The following PCYT1A variants were observed in gnomAD, a reference collection of about 807,000 sequenced individuals.
PCYT1A encodes phosphate cytidylyltransferase 1A, choline, also known as choline-phosphate cytidylyltransferase A.
Under a neutral mutation model 43.7 loss-of-function variants are expected in PCYT1A, and 25 were observed. The ratio of observed to expected loss-of-function variants is 0.57; its 90% CI spans 0.42 to 0.80. The LOEUF (loss-of-function observed/expected upper bound fraction) is 0.80. Among genes scored for constraint, PCYT1A ranks in the 30% least tolerant of loss-of-function variants. The pLI is 0.00. For synonymous variants in PCYT1A, 172 were observed against 170.7 expected (o/e 1.01, Z -0.06); for missense variants, 421 against 474.2 (o/e 0.89, Z 1.04).
In PCYT1A at chr3:196,243,793, C is replaced by A. The variant is rs574240517; in HGVS notation, c.487-1153G>T. Among the ~76,000 whole-genome samples, 27 of 152,392 alleles carry A rather than the reference C, an allele frequency of 1.8e-4. No individual in the cohort carries two copies. The East Asian group carries it at 4.6e-3, about 26-fold the overall frequency. On this transcript the variant is annotated intron_variant, in intron 5 of 8. Coordinates refer to ENST00000431016, the MANE Select transcript of PCYT1A (RefSeq NM_001312673.2). Reference sequence around the variant, plus strand: ...GCGAGTGATCCGCCAGCCTCGGCCTCCCGAGGTGCCGGGATTGCAGACGGA... The same window carrying A: ...GCGAGTGATCCGCCAGCCTCGGCCTACCGAGGTGCCGGGATTGCAGACGGA...
intron 2 of PCYT1A, among the ~76,000 whole-genome samples, chr3:196,262,038 A>G (rs1725126886): frequency 1.3e-5 from 2 of 152,110 alleles, no homozygotes; most frequent in South Asian, 4.1e-4. Flanking sequence ...TTTTTAAAAC[A>G]CTGTGTTATT....
chr3:196,245,844 G>C (rs113920467), intron 5 of PCYT1A, among the ~76,000 whole-genome samples: 54,819 of 151,648 alleles, frequency 0.36, 10,517 homozygotes, highest in East Asian at 0.76. Context: ...CCAGCTACTC[G>C]GGAGGCTGAG....
At position 196,247,969 on chromosome 3, in the gene PCYT1A, A is replaced by T; in HGVS notation, c.334+238T>A. 1 of 547,410 alleles carries T rather than the reference A, an allele frequency of 1.8e-6. No homozygotes were observed. The highest frequency in any genetic ancestry group is 3.3e-6 in the Non-Finnish European group (1 of 304,360). 33.9% of individuals were successfully genotyped at this position (547,410 alleles called of 1,614,324 possible). On this transcript the variant is annotated intron_variant, in intron 4 of 8. Transcript: ENST00000431016. This position sits in a 1 kb window ranked among gnomAD's most constrained non-coding sequence, Gnocchi z 4.8. ...AACGGAAGTCACGGCTGCTCCTGTG[A>T]CCACAGAAACTCAGCTACAAGCAGT...
chr3:196,268,158 C>A lies in PCYT1A; in HGVS notation c.117+2257G>T, dbSNP rs748008603. Among the ~76,000 whole-genome samples, 8 of 151,938 alleles carry A rather than the reference C, an allele frequency of 5.3e-5. No individual in the cohort carries two copies. Among genetic ancestry groups the A allele is most frequent in the Admixed American group, 2.6e-4 (4 of 15,238 alleles). On this transcript the variant is annotated intron_variant, in intron 2 of 8. Coordinates refer to ENST00000431016, the MANE Select transcript of PCYT1A (RefSeq NM_001312673.2). This position sits in a 1 kb window ranked among gnomAD's most constrained non-coding sequence, Gnocchi z 4.4. Reference sequence around the variant, plus strand: ...AAAAAGATTCCCAGAGTCTAAAGACCAAGAAATTTAAGTTTTCTCAGAGCT... The same window carrying A: ...AAAAAGATTCCCAGAGTCTAAAGACAAAGAAATTTAAGTTTTCTCAGAGCT...
At chr3:196,272,820 G>GT (rs1384310738) in intron 1 of PCYT1A, among the ~76,000 whole-genome samples, 1 of 152,226 alleles carries the variant, frequency 6.6e-6, no homozygotes, top group African/African-American at 2.4e-5. Flanking sequence ...TGTATTTCAT[G>GT]TTTAAGTCAC....
intron 1 of PCYT1A, among the ~76,000 whole-genome samples, chr3:196,275,892 T>C (rs1167545062): frequency 6.6e-6 from 1 of 151,398 alleles, no homozygotes; most frequent in African/African-American, 2.4e-5. Flanking sequence ...GGTCAGGAGA[T>C]TGAGAACATC....
At position 196,277,854 on chromosome 3, in the gene PCYT1A, C is replaced by A. The variant is rs1467298226; in HGVS notation, c.-10-7313G>T. ...CGCCACTGCGCTCCAGCCTGGGCGACAGAGCGAGACTTTGTCTCAAAATAA... is the reference window on the plus strand; with the variant it reads ...CGCCACTGCGCTCCAGCCTGGGCGAAAGAGCGAGACTTTGTCTCAAAATAA... On this transcript the variant is annotated intron_variant, in intron 1 of 8. Coordinates refer to ENST00000431016, the MANE Select transcript of PCYT1A (RefSeq NM_001312673.2). This position sits in a 1 kb window ranked among gnomAD's most constrained non-coding sequence, Gnocchi z 4.1. Among the ~76,000 whole-genome samples, 1 of 152,228 alleles carries A rather than the reference C, an allele frequency of 6.6e-6. No individual in the cohort carries two copies. Among genetic ancestry groups the A allele is most frequent in the African/African-American group, 2.4e-5 (1 of 41,444 alleles).
At chr3:196,275,432 T>C (rs151199888) in intron 1 of PCYT1A, among the ~76,000 whole-genome samples, 22 of 152,222 alleles carry the variant, frequency 1.4e-4, no homozygotes, top group African/African-American at 5.3e-4. Flanking sequence ...AGTACAAAAA[T>C]TCAGTTTTGA....
intron 7 of PCYT1A, among the ~76,000 whole-genome samples, chr3:196,240,426 T>C (rs1724313541): frequency 6.6e-6 from 1 of 152,192 alleles, no homozygotes; most frequent in African/African-American, 2.4e-5. Flanking sequence ...GGCTCATGCC[T>C]GTAATACCAG....
intron 1 of PCYT1A, among the ~76,000 whole-genome samples, chr3:196,272,858 C>T (rs1236669736): frequency 2.0e-5 from 3 of 152,222 alleles, no homozygotes; most frequent in Non-Finnish European, 4.4e-5. Flanking sequence ...ACTTCGCTAG[C>T]CAGAAACCTC....
intron 1 of PCYT1A, among the ~76,000 whole-genome samples, chr3:196,286,264 A>G (rs1013927747): frequency 1.3e-5 from 2 of 151,990 alleles, no homozygotes; most frequent in Non-Finnish European, 2.9e-5. Context: ...GGTTCTCCCA[A>G]CTGAGATGCC....
At chr3:196,259,526 GT>G (rs933159417) in intron 2 of PCYT1A, among the ~76,000 whole-genome samples, 14 of 151,932 alleles carry the variant, frequency 9.2e-5, no homozygotes, top group East Asian at 5.8e-4. Flanking sequence ...ATTAAAACAC[GT>G]TTTTTTTGTT....
intron 2 of PCYT1A, among the ~76,000 whole-genome samples, chr3:196,262,012 T>C (rs1323994264): frequency 6.6e-6 from 1 of 152,166 alleles, no homozygotes; most frequent in African/African-American, 2.4e-5. Flanking sequence ...TGTTTCCAGC[T>C]AGAAAAGGTA....
rs115257470 is a variant in PCYT1A at position 196,278,444 on chromosome 3, T to C, written c.-10-7903A>G. Among the ~76,000 whole-genome samples the C allele has an allele frequency of 7.9e-3, 1,205 of 152,130 alleles. 15 individuals are homozygous for C. Among genetic ancestry groups the C allele is most frequent in the African/African-American group, 0.028 (1,154 of 41,482 alleles). ...CGCACACACACAGGCTGCCTTAATA[T>C]CCCTGTTTGTCCAGCGGGCAATGGG... On this transcript the variant is annotated intron_variant, in intron 1 of 8. Coordinates refer to ENST00000431016, the MANE Select transcript of PCYT1A (RefSeq NM_001312673.2).
rs1460974567 is a variant in PCYT1A, at chr3:196,268,772, G to A, written c.117+1643C>T. ...ACCGCACCACTGCACTCCAGCCTGG[G>A]TGACAAAGCGAGACTCTGTCTCAAA... On this transcript the variant is annotated intron_variant, in intron 2 of 8. Coordinates refer to ENST00000431016, the MANE Select transcript of PCYT1A (RefSeq NM_001312673.2). This position sits in a 1 kb window ranked among gnomAD's most constrained non-coding sequence, Gnocchi z 4.4. 1.3e-5 allele frequency among the ~76,000 whole-genome samples: 2 copies of A among 152,146 alleles called. No individual in the cohort carries two copies. The highest frequency in any genetic ancestry group is 2.9e-5 in the Non-Finnish European group (2 of 68,036).
rs561949003 is a variant in PCYT1A, at chr3:196,257,829, T to A, written c.176A>T (p.Tyr59Phe). Residue 59 changes from tyrosine (Y) to phenylalanine (F), a missense_variant, in exon 3 of 9, where the codon TAT becomes TTT. Tyr to Phe is a conservative substitution (Grantham distance 22). Coordinates refer to ENST00000431016, the MANE Select transcript of PCYT1A (RefSeq NM_001312673.2). The part of the protein sequence containing the change: ...DEIEVDFSKP[Y>F]VRVTMEEASR... ...GGCTTCTTCCATAGTTACCCTGACA[T>A]AGGGCTTACTAAAGTCAACTTCAAT... The A allele has an allele frequency of 6.2e-7, 1 of 1,613,224 alleles. No individual in the cohort carries two copies. Among genetic ancestry groups the A allele is most frequent in the East Asian group, 2.2e-5 (1 of 44,856 alleles).
chr3:196,244,484 T>TCCGCCCGGCAGCCACC (rs1427224263), intron 5 of PCYT1A, among the ~76,000 whole-genome samples: 1 of 150,310 alleles, frequency 6.7e-6, no homozygotes, highest in Admixed American at 6.6e-5. Context: ...GAGGAGCGTC[T>TCCGCCCGGCAGCCACC]CCGCCCGGCA....
At chr3:196,272,700 A>G (rs866163186) in intron 1 of PCYT1A, among the ~76,000 whole-genome samples, 1 of 152,186 alleles carries the variant, frequency 6.6e-6, no homozygotes, top group Non-Finnish European at 1.5e-5. Context: ...GTTTCCAGCT[A>G]TTAAAACCCC....
chr3:196,280,388 A>G (rs1316365346), intron 1 of PCYT1A, among the ~76,000 whole-genome samples: 1 of 152,134 alleles, frequency 6.6e-6, no homozygotes, highest in Non-Finnish European at 1.5e-5. Context: ...CAGATGCTCA[A>G]AAGTCCCTTA....
Sources: allele counts gnomAD v4.1 joint callset (sites outside exome capture counted in the v4.1 genomes callset), GRCh38; gene constraint gnomAD v4.1.1; non-coding constraint Gnocchi (gnomAD v3.1); transcripts MANE v1.5; gene names NCBI Gene and HGNC (gene_info 2026-07-23, HGNC 2026-07-21).